Variants in GALNT14 observed in about 807,000 individuals in gnomAD.
GALNT14 encodes the protein UDP-GalNAc:polypeptide N-acetylgalactosaminyltransferase 14.
GALNT14 carries 60 observed loss-of-function variants against 77.5 expected under a neutral mutation model. The ratio of observed to expected loss-of-function variants is 0.77; its 90% CI spans 0.63 to 0.96. The LOEUF (loss-of-function observed/expected upper bound fraction) is 0.96, where lower values mean the gene tolerates loss of function less well. Among genes scored for constraint, GALNT14 ranks in the 40% least tolerant of loss-of-function variants. The probability of loss-of-function intolerance (pLI) is 0.00; values close to 1 mark genes in which losing one functional copy is unlikely to be tolerated. For missense variants in GALNT14, 710 were observed against 731.0 expected, an observed-to-expected ratio of 0.97 and a Z score of 0.33; for synonymous variants, 280 against 281.7, an observed-to-expected ratio of 0.99 and a Z score of 0.06.
chr2:31,113,314 G>A (rs945504162), intron 1 of GALNT14, among the ~76,000 whole-genome samples: 1 of 152,152 alleles, frequency 6.6e-6, no homozygotes, highest in African/African-American at 2.4e-5. Flanking sequence ...GGATCTGCCG[G>A]GCTGGGTGGA....
chr2:31,069,503 A>G lies in GALNT14; in HGVS notation c.129+68455T>C, dbSNP rs151130099. Among the ~76,000 whole-genome samples the G allele has an allele frequency of 3.1e-3, 474 of 152,320 alleles. 4 individuals are homozygous for G. Among genetic ancestry groups the G allele is most frequent in the African/African-American group, 0.011 (461 of 41,582 alleles). The stretch of plus-strand genomic sequence containing the variant: ...CCCCATTTTACAAATGAAGAAATGG[A>G]GTCTCTGAGAGGTTGAATGAATGTG... On this transcript the variant is annotated intron_variant, in intron 1 of 14. Transcript: ENST00000349752.
chr2:31,019,471 A>G (rs1263569413), intron 1 of GALNT14, among the ~76,000 whole-genome samples: 1 of 152,010 alleles, frequency 6.6e-6, no homozygotes, highest in Admixed American at 6.6e-5. Context: ...TTATCTAATG[A>G]CCACTCTCTG....
intron 1 of GALNT14, among the ~76,000 whole-genome samples, chr2:31,064,857 G>T (rs1674835593): frequency 6.6e-6 from 1 of 151,834 alleles, no homozygotes. Flanking sequence ...GTCTTCTCCT[G>T]GGAATAACTT....
the GALNT14 span, among the ~76,000 whole-genome samples, chr2:30,897,317 C>T: frequency 7.9e-5 from 12 of 152,140 alleles, no homozygotes; most frequent in African/African-American, 1.9e-4. Context: ...CTCCTGCCCC[C>T]GGTTTGGCAA....
chr2:30,929,618 GA>G, intron 10 of GALNT14, 131 bp from the exon 11 acceptor site: 2 of 658,724 alleles, frequency 3.0e-6, no homozygotes, highest in Non-Finnish European at 5.5e-6. Flanking sequence ...ATGGTCAACC[GA>G]CTATCATTCC....
chr2:31,071,671 C>G (rs1403051065), intron 1 of GALNT14, among the ~76,000 whole-genome samples: 3 of 152,214 alleles, frequency 2.0e-5, no homozygotes, highest in African/African-American at 7.2e-5. Context: ...TTCTAAGGTG[C>G]TCTGCAGCTC....
intron 1 of GALNT14, among the ~76,000 whole-genome samples, chr2:31,041,040 T>C (rs1040662760): frequency 1.3e-5 from 2 of 152,088 alleles, no homozygotes; most frequent in African/African-American, 4.8e-5. Flanking sequence ...TGGGAAGGGA[T>C]GGAGGTAAGA....
chr2:31,123,034 T>A (rs889844759), intron 1 of GALNT14, among the ~76,000 whole-genome samples: 5 of 151,848 alleles, frequency 3.3e-5, no homozygotes, highest in African/African-American at 7.3e-5. Context: ...TACAAAAAAT[T>A]AGCCGGGCGG....
intron 6 of GALNT14, among the ~76,000 whole-genome samples, chr2:30,954,046 C>G (rs946933291): frequency 3.3e-5 from 5 of 152,068 alleles, no homozygotes; most frequent in African/African-American, 1.2e-4. Context: ...CAATGACTGC[C>G]AGTAGTGATC....
intron 1 of GALNT14, among the ~76,000 whole-genome samples, chr2:31,075,880 C>G (rs1349987928): frequency 1.3e-5 from 2 of 152,194 alleles, no homozygotes; most frequent in Non-Finnish European, 2.9e-5. Flanking sequence ...AGAAATCTCT[C>G]TAAAGCACAC....
the GALNT14 span, among the ~76,000 whole-genome samples, chr2:30,899,751 G>A: frequency 5.9e-5 from 9 of 152,196 alleles, no homozygotes; most frequent in Middle Eastern, 3.4e-3. Context: ...TAAATTAGTC[G>A]GCTCCATGGC....
At chr2:31,086,514 T>G (rs996829464) in intron 1 of GALNT14, among the ~76,000 whole-genome samples, 1 of 151,302 alleles carries the variant, frequency 6.6e-6, no homozygotes, top group Admixed American at 6.6e-5. Context: ...AACATAAAGA[T>G]AGAAGTCATA....
chr2:30,913,687 A>G (rs1213767454), intron 13 of GALNT14, among the ~76,000 whole-genome samples: 1 of 152,158 alleles, frequency 6.6e-6, no homozygotes, highest in Non-Finnish European at 1.5e-5. Flanking sequence ...TCACCGGCCT[A>G]GTGGGAGAAT....
chr2:30,956,035 A>C (rs1573032496), intron 4 of GALNT14, 58 bp from the exon 5 acceptor site: 2 of 1,562,558 alleles, frequency 1.3e-6, no homozygotes, highest in East Asian at 4.5e-5. Flanking sequence ...ACGTGTTACA[A>C]TTGTGTGCAC....
chr2:31,085,933 G>A (rs1309197989), intron 1 of GALNT14, among the ~76,000 whole-genome samples: 1 of 152,192 alleles, frequency 6.6e-6, no homozygotes, highest in East Asian at 1.9e-4. Context: ...ATGGCGACAG[G>A]CAAGGGAGCG....
intron 12 of GALNT14, 145 bp downstream of exon 12, chr2:30,924,595 T>A: frequency 1.5e-6 from 1 of 651,262 alleles, no homozygotes; most frequent in Non-Finnish European, 2.7e-6. Context: ...GTTTTAGGGG[T>A]GAACGGAGCC....
intron 2 of GALNT14, among the ~76,000 whole-genome samples, chr2:30,989,654 T>TATATATATTAGTATATATA (rs1558471374): frequency 7.3e-4 from 85 of 116,072 alleles, no homozygotes; most frequent in African/African-American, 2.7e-3. Flanking sequence ...TAGTATATAT[T>TATATATATTAGTATATATA]AAAATATATA....
intron 1 of GALNT14, among the ~76,000 whole-genome samples, chr2:31,103,949 G>C (rs570076340): frequency 1.4e-4 from 21 of 152,168 alleles, no homozygotes; most frequent in Non-Finnish European, 2.5e-4. Flanking sequence ...CTGAGTTATT[G>C]CATGTCCAAA....
chr2:30,976,852 G>A (rs1668662812), intron 2 of GALNT14, among the ~76,000 whole-genome samples: 1 of 152,062 alleles, frequency 6.6e-6, no homozygotes. Context: ...TCTGTCTCAG[G>A]TATTCTTCCC....
Sources: allele counts gnomAD v4.1 joint callset (sites outside exome capture counted in the v4.1 genomes callset), GRCh38; gene constraint gnomAD v4.1.1; transcripts MANE v1.5; gene names NCBI Gene and HGNC (gene_info 2026-07-23, HGNC 2026-07-21).